ZRANB3: variants seen among roughly 807,000 people sequenced by gnomAD.
ZRANB3 encodes the protein zinc finger RANBP2-type containing 3, also known as DNA annealing helicase and endonuclease ZRANB3.
Under a neutral mutation model 133.8 loss-of-function variants are expected in ZRANB3, and 125 were observed. The ratio of observed to expected loss-of-function variants is 0.93; its 90% CI spans 0.81 to 1.08. The LOEUF is 1.08. Ranked by LOEUF, ZRANB3 falls within the 50% of genes least tolerant of loss-of-function variation. The probability of loss-of-function intolerance (pLI) is 0.00; values close to 1 mark genes in which losing one functional copy is unlikely to be tolerated. For synonymous variants in ZRANB3, 387 were observed against 432.7 expected, an observed-to-expected ratio of 0.89 and a Z score of 1.31; for missense variants, 1,229 against 1,275.5, an observed-to-expected ratio of 0.96 and a Z score of 0.56.
At chr2:135,266,149 C>A (rs751445909) in intron 11 of ZRANB3, among the ~76,000 whole-genome samples, 4 of 152,072 alleles carry the variant, frequency 2.6e-5, no homozygotes, top group Non-Finnish European at 5.9e-5. Flanking sequence ...GCGGAGGTTG[C>A]AGTGAGCTGA....
chr2:135,316,596 T>A (rs918451387), intron 6 of ZRANB3, among the ~76,000 whole-genome samples: 3 of 152,184 alleles, frequency 2.0e-5, no homozygotes, highest in Non-Finnish European at 4.4e-5. Flanking sequence ...AGGTGTCAAT[T>A]TGAGAAATGT....
chr2:135,478,799 C>T (rs1193617739), intron 2 of ZRANB3, among the ~76,000 whole-genome samples: 4 of 151,336 alleles, frequency 2.6e-5, no homozygotes, highest in African/African-American at 7.3e-5. Context: ...AATAGGACTG[C>T]TATTCTTTTG....
intron 8 of ZRANB3, 73 bp downstream of exon 8, chr2:135,313,416 C>A: frequency 1.1e-6 from 1 of 935,360 alleles, no homozygotes; most frequent in South Asian, 1.9e-5. Context: ...AAATAACTTG[C>A]TTAATTAAAA....
chr2:135,373,817 A>AGGGGAGGGG, intron 3 of ZRANB3, among the ~76,000 whole-genome samples: 1 of 106,996 alleles, frequency 9.3e-6, no homozygotes, highest in African/African-American at 4.2e-5. Context: ...AGGGGAGGGG[A>AGGGGAGGGG]CGGGAGGGGA....
At chr2:135,224,385 C>A (rs768260524) in intron 15 of ZRANB3, 41 bp downstream of exon 15, 15 of 1,495,116 alleles carry the variant, frequency 1.0e-5, no homozygotes, top group South Asian at 3.9e-5. Flanking sequence ...AAAAGGAAGT[C>A]TTTTTTATGT....
At chr2:135,451,087 T>C (rs922283841) in intron 2 of ZRANB3, among the ~76,000 whole-genome samples, 1 of 152,160 alleles carries the variant, frequency 6.6e-6, no homozygotes, top group African/African-American at 2.4e-5. Flanking sequence ...TGGGGCAAAA[T>C]CATCTTTAAA....
chr2:135,313,634 G>T, intron 7 of ZRANB3, 29 bp from the exon 8 acceptor site: 1 of 1,414,538 alleles, frequency 7.1e-7, no homozygotes, highest in Non-Finnish European at 1.0e-6. Context: ...CACTGTTTAT[G>T]AATATAGCAT....
intron 2 of ZRANB3, among the ~76,000 whole-genome samples, chr2:135,483,175 T>C (rs961583779): frequency 6.6e-6 from 1 of 151,694 alleles, no homozygotes; most frequent in Non-Finnish European, 1.5e-5. Flanking sequence ...TTGATTGGAA[T>C]AGTTTCAGAA....
At chr2:135,234,697 A>G (rs1469061422) in intron 12 of ZRANB3, among the ~76,000 whole-genome samples, 2 of 152,252 alleles carry the variant, frequency 1.3e-5, no homozygotes, top group African/African-American at 4.8e-5. Context: ...TACTGGGTAC[A>G]TAATGAAATG....
At chr2:135,391,736 C>T (rs1395132692) in intron 2 of ZRANB3, among the ~76,000 whole-genome samples, 6 of 151,944 alleles carry the variant, frequency 3.9e-5, no homozygotes, top group South Asian at 2.1e-4. Context: ...CCTGTCACCA[C>T]GCCAGGCTAA....
chr2:135,280,983 G>A (rs527836592), intron 8 of ZRANB3, among the ~76,000 whole-genome samples: 4 of 152,160 alleles, frequency 2.6e-5, no homozygotes, highest in Admixed American at 6.5e-5. Context: ...TCCTTATTCC[G>A]TACCTTTGAT....
At chr2:135,299,071 T>G (rs1682307129) in intron 8 of ZRANB3, among the ~76,000 whole-genome samples, 1 of 152,164 alleles carries the variant, frequency 6.6e-6, no homozygotes, top group Admixed American at 6.5e-5. Flanking sequence ...ATATAGATTC[T>G]AAGAGATTAT....
intron 2 of ZRANB3, among the ~76,000 whole-genome samples, chr2:135,489,561 A>C (rs1351739549): frequency 6.6e-6 from 1 of 151,994 alleles, no homozygotes. Flanking sequence ...CATAAAGAGG[A>C]GATGCAGGAG....
intron 15 of ZRANB3, among the ~76,000 whole-genome samples, chr2:135,219,509 T>C (rs72980380): frequency 0.043 from 6,577 of 152,274 alleles, 481 homozygotes; most frequent in African/African-American, 0.15. Flanking sequence ...ACAATAAAAT[T>C]TGTACACTGC....
intron 2 of ZRANB3, among the ~76,000 whole-genome samples, chr2:135,408,455 C>T (rs1169684593): frequency 6.7e-6 from 1 of 149,446 alleles, no homozygotes; most frequent in Non-Finnish European, 1.5e-5. Flanking sequence ...TAACGTTTGA[C>T]CCAGCCATCC....
chr2:135,322,750 C>A (rs981622248), intron 6 of ZRANB3, among the ~76,000 whole-genome samples: 2 of 152,092 alleles, frequency 1.3e-5, no homozygotes, highest in Non-Finnish European at 2.9e-5. Context: ...GGCGCAGTGG[C>A]TCACGCCTGT....
At chr2:135,470,508 A>C (rs1407843659) in intron 2 of ZRANB3, among the ~76,000 whole-genome samples, 1 of 151,800 alleles carries the variant, frequency 6.6e-6, no homozygotes, top group Non-Finnish European at 1.5e-5. Flanking sequence ...CAATATAGTG[A>C]AATCCCATCT....
intron 2 of ZRANB3, among the ~76,000 whole-genome samples, chr2:135,418,578 A>G (rs1480645804): frequency 2.0e-5 from 3 of 152,258 alleles, no homozygotes; most frequent in Admixed American, 6.5e-5. Flanking sequence ...GATCTGGAGC[A>G]TATGCTAAGA....
chr2:135,321,787 T>A (rs1683539164), intron 6 of ZRANB3, among the ~76,000 whole-genome samples: 1 of 152,138 alleles, frequency 6.6e-6, no homozygotes, highest in Non-Finnish European at 1.5e-5. Flanking sequence ...CTGAGAATTT[T>A]TAATATATTA....
Sources: gnomAD v4.1 joint callset for allele counts (sites outside exome capture counted in the v4.1 genomes callset) on GRCh38, gnomAD v4.1.1 for gene constraint, MANE v1.5 for transcripts, NCBI Gene and HGNC (gene_info 2026-07-23, HGNC 2026-07-21) for gene names.